BMP1: variants seen among roughly 807,000 people sequenced by gnomAD.
BMP1 encodes bone morphogenetic protein 1, also known as mammalian tolloid protein.
BMP1 carries 63 observed loss-of-function variants against 116.8 expected under a neutral mutation model. The ratio of observed to expected loss-of-function variants is 0.54; its 90% CI spans 0.44 to 0.67. The LOEUF is 0.67. BMP1 is among the 30% of genes least tolerant of loss of function. The pLI is 0.00. For missense variants in BMP1, 1,183 were observed against 1,358.9 expected (o/e 0.87, Z 2.04); for synonymous variants, 536 against 533.4 (o/e 1.00, Z -0.07).
intron 8 of BMP1, 117 bp downstream of exon 8, chr8:22,180,600 T>C (rs1828591128): frequency 1.1e-6 from 1 of 913,884 alleles, no homozygotes; most frequent in Non-Finnish European, 1.7e-6. Flanking sequence ...CTACCGTAAA[T>C]GTATCAAGTC....
intron 16 of BMP1, among the ~76,000 whole-genome samples, chr8:22,205,625 GA>G (rs1002457950): frequency 1.3e-5 from 2 of 151,942 alleles, no homozygotes; most frequent in Non-Finnish European, 2.9e-5. Context: ...AAGCAAAAAT[GA>G]AAAAAATTAC....
intron 15 of BMP1, among the ~76,000 whole-genome samples, chr8:22,200,704 T>G (rs188422568): frequency 2.4e-4 from 37 of 152,158 alleles, no homozygotes; most frequent in Admixed American, 8.5e-4. Context: ...CGAGTGCGTG[T>G]GTCTGTCTAA....
intron 18 of BMP1, 103 bp downstream of exon 18, chr8:22,207,619 C>T: frequency 7.4e-7 from 1 of 1,345,402 alleles, no homozygotes; most frequent in Non-Finnish European, 1.0e-6. Flanking sequence ...GGACTGAGCC[C>T]TGCGACCCAG....
At position 22,194,822 on chromosome 8, in the gene BMP1, G is replaced by A; in HGVS notation, c.1542G>A (p.Lys514=). ...TLIGRYCGYE[K]PDDIKSTSSR... ...TCGGGCGCTACTGTGGCTATGAGAAGCCTGATGACATCAAGAGCACGTCCA... is the reference window on the plus strand; with the variant it reads ...TCGGGCGCTACTGTGGCTATGAGAAACCTGATGACATCAAGAGCACGTCCA... The change falls in exon 12 of 20, where the codon AAG becomes AAA. Residue 514 remains lysine (K), a synonymous_variant. Transcript: ENST00000306385. The surrounding 1 kb of genome is among the most constrained non-coding windows in gnomAD (Gnocchi z 4.5). 6.2e-7 allele frequency: 1 copy of A among 1,613,162 alleles called. No homozygotes were observed. Among genetic ancestry groups the A allele is most frequent in the African/African-American group, 1.3e-5 (1 of 75,018 alleles).
chr8:22,194,081 C>A lies in BMP1; in HGVS notation c.1204C>A (p.Pro402Thr). 2.5e-6 allele frequency: 4 copies of A among 1,614,218 alleles called. No homozygotes were observed. Among genetic ancestry groups the A allele is most frequent in the Non-Finnish European group, 3.4e-6 (4 of 1,180,046 alleles). ...LRGRFCGSKL[P>T]EPIVSTDSRL... ...AGGCCGCTTCTGCGGGTCCAAACTC[C>A]CTGAGCCTATCGTCTCCACTGACAG... The change falls in exon 10 of 20, where the codon CCT becomes ACT. Residue 402 changes from proline to threonine, a missense_variant. Coordinates refer to ENST00000306385, the MANE Select transcript of BMP1 (RefSeq NM_006129.5). The surrounding 1 kb of genome is among the most constrained non-coding windows in gnomAD (Gnocchi z 4.5).
chr8:22,172,695 C>T (rs1828315936), intron 1 of BMP1, among the ~76,000 whole-genome samples: 1 of 147,926 alleles, frequency 6.8e-6, no homozygotes, highest in Non-Finnish European at 1.5e-5. Context: ...TCACTGCAGC[C>T]TTGACCTCCT....
chr8:22,198,793 A>C, intron 15 of BMP1: 1 of 347,658 alleles, frequency 2.9e-6, no homozygotes, highest in South Asian at 4.9e-5. Flanking sequence ...TGGCACTGCC[A>C]GCCACCCTGC....
chr8:22,195,331 G>A, intron 12 of BMP1, 131 bp from the exon 13 acceptor site: 2 of 1,174,066 alleles, frequency 1.7e-6, no homozygotes, highest in Admixed American at 2.8e-5. Context: ...GTGCTCTGAA[G>A]GAAGGCTCTG....
At chr8:22,195,014 A>G in intron 12 of BMP1, 95 bp downstream of exon 12, 1 of 1,343,766 alleles carries the variant, frequency 7.4e-7, no homozygotes, top group South Asian at 1.4e-5. Flanking sequence ...CAGGAGGCAT[A>G]TTGATACCAG....
chr8:22,173,794 C>T (rs2131844850), intron 2 of BMP1, 79 bp downstream of exon 2: 8 of 1,171,334 alleles, frequency 6.8e-6, no homozygotes, highest in Non-Finnish European at 9.6e-6. Context: ...TCCCTGTTCC[C>T]AGCCAGGCCC....
intron 16 of BMP1, 85 bp from the exon 17 acceptor site, chr8:22,206,769 G>C: frequency 6.4e-7 from 1 of 1,564,714 alleles, no homozygotes; most frequent in Non-Finnish European, 8.8e-7. Context: ...AAAGGAGGGG[G>C]GGCAGGAGGG....
chr8:22,197,684 T>TG (rs1829132769), intron 15 of BMP1, among the ~76,000 whole-genome samples: 1 of 151,912 alleles, frequency 6.6e-6, no homozygotes, highest in East Asian at 1.9e-4. Flanking sequence ...CACCCAGAAG[T>TG]GAAGAAGGGG....
chr8:22,165,856 C>CT, intron 1 of BMP1, among the ~76,000 whole-genome samples: 1 of 148,078 alleles, frequency 6.8e-6, no homozygotes, highest in Admixed American at 6.7e-5. Flanking sequence ...CTGTAGGAAA[C>CT]TTTTCTGGCC....
At chr8:22,180,015 G>T (rs945444490) in intron 7 of BMP1, among the ~76,000 whole-genome samples, 186 bp downstream of exon 7, 2 of 152,118 alleles carry the variant, frequency 1.3e-5, no homozygotes, top group Non-Finnish European at 2.9e-5. Flanking sequence ...GCTCAGGTGG[G>T]TGGTCAGAAG....
chr8:22,182,778 C>T (rs1260679599), intron 8 of BMP1, among the ~76,000 whole-genome samples: 2 of 152,202 alleles, frequency 1.3e-5, no homozygotes, highest in Non-Finnish European at 2.9e-5. Context: ...CCTCCCAGCA[C>T]ACACACCCCT....
At chr8:22,177,829 C>T in intron 5 of BMP1, 23 bp from the exon 6 acceptor site, 1 of 1,566,352 alleles carries the variant, frequency 6.4e-7, no homozygotes, top group South Asian at 1.1e-5. Flanking sequence ...TCTCCCCCCA[C>T]ACCCTTTTCC....
In BMP1 at chr8:22,196,544, G is replaced by C. The variant is rs1829096779; in HGVS notation, c.1766-136G>C. On this transcript the variant is annotated intron_variant, in intron 13 of 19. Coordinates refer to ENST00000306385, the MANE Select transcript of BMP1 (RefSeq NM_006129.5). Reference sequence around the variant, plus strand: ...TGCCTCCTCCCGTCCGCCCCAGAGGGACCAGACACAGGTCCCTGAGCCTTG... The same window carrying C: ...TGCCTCCTCCCGTCCGCCCCAGAGGCACCAGACACAGGTCCCTGAGCCTTG... The C allele has an allele frequency of 2.9e-6, 4 of 1,368,174 alleles. No individual in the cohort carries two copies. In the Admixed American group the frequency reaches 7.0e-5, roughly 24 times the overall value. 84.8% of individuals were successfully genotyped at this position (1,368,174 alleles called of 1,614,324 possible).
At chr8:22,190,875 C>T (rs1006238023) in intron 8 of BMP1, among the ~76,000 whole-genome samples, 1 of 152,200 alleles carries the variant, frequency 6.6e-6, no homozygotes, top group African/African-American at 2.4e-5. Context: ...GCAGGACACC[C>T]CTGAAACCAT....
chr8:22,183,765 C>T (rs995851272), intron 8 of BMP1, among the ~76,000 whole-genome samples: 3 of 152,138 alleles, frequency 2.0e-5, no homozygotes, highest in East Asian at 3.9e-4. Context: ...TTAGTAGAGA[C>T]GGGTTTCTCC....
Sources: allele counts gnomAD v4.1 joint callset (sites outside exome capture counted in the v4.1 genomes callset), GRCh38; gene constraint gnomAD v4.1.1; non-coding constraint Gnocchi (gnomAD v3.1); transcripts MANE v1.5; gene names NCBI Gene and HGNC (gene_info 2026-07-23, HGNC 2026-07-21).